ADAMTSL1: variants seen among roughly 807,000 people sequenced by gnomAD.
The protein encoded by ADAMTSL1 is ADAMTS like 1, also known as ADAMTS-like protein 1.
In ADAMTSL1, 126 loss-of-function variants were observed where a neutral mutation model predicts 201.8. The observed-to-expected ratio is 0.62, with a 90% CI of 0.54 to 0.72. The LOEUF (loss-of-function observed/expected upper bound fraction) is 0.72. Ranked by LOEUF, ADAMTSL1 falls within the 30% of genes least tolerant of loss-of-function variation. The pLI is 0.00. For synonymous variants in ADAMTSL1, 1,121 were observed against 903.4 expected, an observed-to-expected ratio of 1.24 and a Z score of -4.32; for missense variants, 2,679 against 2,277.8, an observed-to-expected ratio of 1.18 and a Z score of -3.59.
intron 16 of ADAMTSL1, among the ~76,000 whole-genome samples, chr9:18,756,536 G>A (rs778989304): frequency 5.9e-5 from 9 of 152,088 alleles, no homozygotes; most frequent in Admixed American, 2.0e-4. Context: ...GCTTAGTTAC[G>A]ACACCAGCTG....
At chr9:17,934,332 T>C (rs1193091256) in intron 1 of ADAMTSL1, among the ~76,000 whole-genome samples, 4 of 152,142 alleles carry the variant, frequency 2.6e-5, no homozygotes, top group African/African-American at 9.7e-5. Flanking sequence ...ATTCTTCAAA[T>C]CTCTGGGACC....
At chr9:18,611,617 G>A (rs998026231) in intron 4 of ADAMTSL1, among the ~76,000 whole-genome samples, 5 of 152,124 alleles carry the variant, frequency 3.3e-5, no homozygotes, top group Non-Finnish European at 2.9e-5. Context: ...TTTAATAAAC[G>A]TTAGAAATCA....
chr9:18,688,523 C>T (rs1672621127), intron 13 of ADAMTSL1, among the ~76,000 whole-genome samples: 1 of 149,670 alleles, frequency 6.7e-6, no homozygotes, highest in African/African-American at 2.5e-5. Flanking sequence ...GAAAACTTAG[C>T]CAGGCATGGT....
intron 11 of ADAMTSL1, 115 bp from the exon 12 acceptor site, chr9:18,681,697 T>TGTGGGGGC (rs370940110): frequency 4.6e-6 from 1 of 219,150 alleles, no homozygotes; most frequent in African/African-American, 6.8e-5. Context: ...AGTCCTCGTG[T>TGTGGGGGC]GGGGGGGGGG....
chr9:18,202,313 A>G (rs185234235), intron 2 of ADAMTSL1, among the ~76,000 whole-genome samples: 2 of 152,360 alleles, frequency 1.3e-5, no homozygotes, highest in East Asian at 3.8e-4. Context: ...GCTATATAAT[A>G]TTCAAACAAT....
chr9:18,721,964 A>C (rs526826), intron 15 of ADAMTSL1, among the ~76,000 whole-genome samples: 46,898 of 152,114 alleles, frequency 0.31, 7,467 homozygotes, highest in Middle Eastern at 0.38. Context: ...ATGAGGTGAC[A>C]ACAGACTTCA....
chr9:18,890,900 G>C, intron 25 of ADAMTSL1: 1 of 265,064 alleles, frequency 3.8e-6, no homozygotes, highest in South Asian at 4.0e-5. Flanking sequence ...TTGATTTGGT[G>C]ATGGTCAGAG....
Position 18,488,894 on chromosome 9 carries a change from G to A in ADAMTSL1, c.63+14599G>A, listed in dbSNP as rs116417211. Among the ~76,000 whole-genome samples, 333 of 152,344 alleles carry A rather than the reference G, an allele frequency of 2.2e-3. 4 individuals are homozygous for A. Among genetic ancestry groups the A allele is most frequent in the African/African-American group, 7.6e-3 (314 of 41,582 alleles). ...TGCTTTTGAATTTGTGGGGTCTGGA[G>A]CACATTGAAGCCAGTAAGTCTAAGA... is the stretch of plus-strand genomic sequence containing the variant. On this transcript the variant is annotated intron_variant, in intron 1 of 28. Coordinates refer to ENST00000380548, the MANE Select transcript of ADAMTSL1 (RefSeq NM_001040272.6).
chr9:18,496,586 T>C (rs567029874), intron 1 of ADAMTSL1, among the ~76,000 whole-genome samples: 16 of 152,354 alleles, frequency 1.1e-4, no homozygotes, highest in Middle Eastern at 3.4e-3. Flanking sequence ...TGAAGTTAGC[T>C]AGTCATTTCA....
At chr9:18,443,891 AAC>A (rs1820091338) in intron 2 of ADAMTSL1, among the ~76,000 whole-genome samples, 1 of 152,218 alleles carries the variant, frequency 6.6e-6, no homozygotes. Flanking sequence ...AATGGACCTA[AAC>A]CATAAAGTAG....
intron 1 of ADAMTSL1, among the ~76,000 whole-genome samples, chr9:18,493,151 A>G (rs946127606): frequency 2.0e-5 from 3 of 152,164 alleles, no homozygotes; most frequent in African/African-American, 7.2e-5. Flanking sequence ...TTGAATTGCA[A>G]TATTTAGTTT....
intron 1 of ADAMTSL1, among the ~76,000 whole-genome samples, chr9:18,120,740 T>C (rs1474320796): frequency 1.3e-5 from 2 of 152,204 alleles, no homozygotes; most frequent in Non-Finnish European, 2.9e-5. Context: ...GATACCCAGA[T>C]AATTTATATA....
intron 1 of ADAMTSL1, among the ~76,000 whole-genome samples, chr9:17,932,320 G>C (rs182454932): frequency 6.6e-6 from 1 of 152,184 alleles, no homozygotes; most frequent in African/African-American, 2.4e-5. Flanking sequence ...ATTTCTCCAA[G>C]AGGGTCCCGG....
chr9:18,873,111 G>C (rs1016100181), intron 23 of ADAMTSL1, among the ~76,000 whole-genome samples: 1 of 152,110 alleles, frequency 6.6e-6, no homozygotes, highest in African/African-American at 2.4e-5. Flanking sequence ...TTGGCCATTT[G>C]TGTATCTTCT....
At chr9:18,285,776 G>T (rs1409901621) in intron 2 of ADAMTSL1, among the ~76,000 whole-genome samples, 1 of 151,736 alleles carries the variant, frequency 6.6e-6, no homozygotes, top group East Asian at 1.9e-4. Context: ...TGTGCTTATG[G>T]CTTCTCCAAT....
At chr9:18,847,148 G>A (rs1411908869) in intron 23 of ADAMTSL1, among the ~76,000 whole-genome samples, 1 of 152,206 alleles carries the variant, frequency 6.6e-6, no homozygotes, top group South Asian at 2.1e-4. Context: ...TGTTAGGACA[G>A]ACAGAAAAGT....
chr9:18,767,570 T>A (rs1050572156), intron 16 of ADAMTSL1, among the ~76,000 whole-genome samples: 4 of 152,212 alleles, frequency 2.6e-5, no homozygotes, highest in Admixed American at 6.5e-5. Context: ...ACCTTAGTTA[T>A]CCATAGCAAC....
intron 2 of ADAMTSL1, among the ~76,000 whole-genome samples, chr9:18,232,340 G>C (rs1258398941): frequency 6.6e-6 from 1 of 152,062 alleles, no homozygotes; most frequent in African/African-American, 2.4e-5. Context: ...TTCTTTGACA[G>C]GTCATTCTTT....
chr9:17,969,989 G>C (rs1368262473), intron 1 of ADAMTSL1, among the ~76,000 whole-genome samples: 1 of 152,042 alleles, frequency 6.6e-6, no homozygotes, highest in East Asian at 1.9e-4. Context: ...GATAACTGTA[G>C]TAACCTTATC....
Sources: gnomAD v4.1 joint callset for allele counts (sites outside exome capture counted in the v4.1 genomes callset) on GRCh38, gnomAD v4.1.1 for gene constraint, MANE v1.5 for transcripts, NCBI Gene and HGNC (gene_info 2026-07-23, HGNC 2026-07-21) for gene names.